ZKSCAN5: variants seen among roughly 807,000 people sequenced by gnomAD.
ZKSCAN5 encodes the protein zinc finger with KRAB and SCAN domains 5.
In ZKSCAN5, 28 loss-of-function variants were observed where a neutral mutation model predicts 60.0. The ratio of observed to expected loss-of-function variants is 0.47; its 90% confidence interval spans 0.35 to 0.64. The LOEUF (loss-of-function observed/expected upper bound fraction) is 0.64, where lower values mean the gene tolerates loss of function less well. Among genes scored for constraint, ZKSCAN5 ranks in the 30% least tolerant of loss-of-function variants. The pLI is 0.01. For missense variants in ZKSCAN5, 881 were observed against 1,034.6 expected (o/e 0.85, Z 2.04); for synonymous variants, 361 against 371.2 (o/e 0.97, Z 0.31).
intron 5 of ZKSCAN5, among the ~76,000 whole-genome samples, chr7:99,522,647 C>G (rs1224043335): frequency 2.0e-5 from 3 of 151,508 alleles, no homozygotes; most frequent in Non-Finnish European, 4.4e-5. Flanking sequence ...CCACCACAGC[C>G]GCCTAATTTT....
rs1457505300 is a variant in ZKSCAN5 at position 99,505,998 on chromosome 7, GTT to G, written c.-40-5_-40-4del. On this transcript the variant is annotated splice_region_variant and splice_polypyrimidine_tract_variant and intron_variant, in intron 1 of 6. Transcript: ENST00000326775. ...GATATTAAAGAGCAGAAAAACAATT[GTT>G]TCAGTGTAACACAGCCAGCCTCGAA... is the stretch of plus-strand genomic sequence containing the variant. The G allele has an allele frequency of 6.3e-7, 1 of 1,582,842 alleles. No individual in the cohort carries two copies.
chr7:99,529,891 A>G (rs1801964624), intron 6 of ZKSCAN5, among the ~76,000 whole-genome samples: 1 of 151,662 alleles, frequency 6.6e-6, no homozygotes, highest in African/African-American at 2.4e-5. Flanking sequence ...ACCCACCACC[A>G]TGCCCAGCTA....
chr7:99,515,158 A>G (rs185733635), intron 3 of ZKSCAN5, among the ~76,000 whole-genome samples: 1 of 152,124 alleles, frequency 6.6e-6, no homozygotes, highest in East Asian at 1.9e-4. Context: ...TAATCCCAGC[A>G]CTTTGGGAGG....
chr7:99,534,422 A>C lies in ZKSCAN5; in HGVS notation c.*2173A>C, dbSNP rs1802168957. The C allele has an allele frequency of 6.6e-6, 1 of 152,064 alleles. No individual in the cohort carries two copies. Among genetic ancestry groups the C allele is most frequent in the African/African-American group, 2.4e-5 (1 of 41,388 alleles). 9.4% of individuals were successfully genotyped at this position (152,064 alleles called of 1,614,324 possible). On this transcript the variant is annotated 3_prime_UTR_variant, in exon 7 of 7. Transcript: ENST00000326775. ...TGGGCGCGGTGGCTCATGCCTATAA[A>C]CCCAGCACTTTGGGAGGCTGAGGCG...
chr7:99,518,901 C>G (rs1157747812), intron 3 of ZKSCAN5, among the ~76,000 whole-genome samples: 4 of 150,616 alleles, frequency 2.7e-5, no homozygotes, highest in Non-Finnish European at 4.4e-5. Flanking sequence ...GTCTCTAACT[C>G]CTGACCTTGT....
intron 3 of ZKSCAN5, 102 bp from the exon 4 acceptor site, chr7:99,519,725 G>A (rs1297107312): frequency 6.9e-5 from 79 of 1,142,260 alleles, no homozygotes; most frequent in Non-Finnish European, 8.7e-5. Flanking sequence ...TGGCCTCGGC[G>A]CAGTAGGGGC....
At chr7:99,513,364 A>G (rs1801126880) in intron 3 of ZKSCAN5, among the ~76,000 whole-genome samples, 1 of 152,162 alleles carries the variant, frequency 6.6e-6, no homozygotes, top group East Asian at 1.9e-4. Context: ...TTACAAAAGT[A>G]TCACAGATTT....
At chr7:99,506,683 A>T (rs1214753725) in intron 2 of ZKSCAN5, among the ~76,000 whole-genome samples, 1 of 152,204 alleles carries the variant, frequency 6.6e-6, no homozygotes, top group Middle Eastern at 3.4e-3. Flanking sequence ...TACTGTATTT[A>T]TTTAATTATT....
In ZKSCAN5 at chr7:99,531,350, A is replaced by G; in HGVS notation, c.1621A>G (p.Lys541Glu). 1 of 1,614,200 alleles carries G rather than the reference A, an allele frequency of 6.2e-7. No homozygotes were observed. The change falls in exon 7 of 7, where the codon AAA (lysine) becomes GAA (glutamate). Residue 541 changes from lysine (K) to glutamate (E), a missense_variant. Coordinates refer to ENST00000326775, the MANE Select transcript of ZKSCAN5 (RefSeq NM_145102.4). ...CAGTGAAGTCCCATATGTCCACAAA[A>G]AATCCTCCACTGGAGAGAGACCACA... The part of the protein sequence containing the change: ...NYSEVPYVHK[K>E]SSTGERPHKC...
At chr7:99,524,648 A>G (rs1353293518) in intron 5 of ZKSCAN5, among the ~76,000 whole-genome samples, 2 of 152,256 alleles carry the variant, frequency 1.3e-5, no homozygotes, top group Non-Finnish European at 2.9e-5. Context: ...CCACGGTTCT[A>G]TCAGTGACTG....
intron 3 of ZKSCAN5, among the ~76,000 whole-genome samples, chr7:99,515,142 C>T (rs1006296361): frequency 6.6e-6 from 1 of 151,426 alleles, no homozygotes; most frequent in South Asian, 2.1e-4. Flanking sequence ...TGGTGGCTCA[C>T]GCTTGTAATC....
Position 99,520,264 on chromosome 7 carries a change from G to T in ZKSCAN5, c.732G>T (p.Arg244Ser), listed in dbSNP as rs1202673898. 3.7e-6 allele frequency: 6 copies of T among 1,613,980 alleles called. No individual in the cohort carries two copies. Among genetic ancestry groups the T allele is most frequent in the Non-Finnish European group, 4.2e-6 (5 of 1,180,020 alleles). Residue 244 changes from arginine (R) to serine (S), a missense_variant, in exon 5 of 7, where the codon AGG becomes AGT. Arg to Ser is a moderately radical substitution (Grantham distance 110). This residue lies in a region of ZKSCAN5 where 490 missense variants were observed against 554.5 expected (regional missense o/e 0.88). Coordinates refer to ENST00000326775, the MANE Select transcript of ZKSCAN5 (RefSeq NM_145102.4). ...HLDQSQKSLY[R>S]DDRKENYGSI... ...ACCAGTCCCAGAAGTCCCTTTATAG[G>T]GATGACAGGAAGGAGAACTATGGGA...
At position 99,532,753 on chromosome 7, in the gene ZKSCAN5, C is replaced by T. The variant is rs1417268154; in HGVS notation, c.*504C>T. On this transcript the variant is annotated 3_prime_UTR_variant, in exon 7 of 7. Transcript: ENST00000326775. Reference sequence around the variant, plus strand: ...ATTCCAACCACTAGAATACCCTAGTCACTATTCCCACTTTGAGCATTAACC... The same window carrying T: ...ATTCCAACCACTAGAATACCCTAGTTACTATTCCCACTTTGAGCATTAACC... 6.4e-6 allele frequency: 1 copy of T among 155,970 alleles called. No homozygotes were observed. The highest frequency in any genetic ancestry group is 1.4e-5 in the Non-Finnish European group (1 of 70,440). The allele number at this position is 155,970 out of a possible 1,614,324, so 9.7% of individuals were successfully genotyped here. A position where few individuals can be genotyped will look rare whatever the true frequency, so the allele number is the denominator to read the frequency against.
At position 99,532,305 on chromosome 7, in the gene ZKSCAN5, A is replaced by T; in HGVS notation, c.*56A>T. 6.8e-7 allele frequency: 1 copy of T among 1,470,474 alleles called. No homozygotes were observed. The highest frequency in any genetic ancestry group is 2.3e-5 in the East Asian group (1 of 43,518). The allele number at this position is 1,470,474 out of a possible 1,614,324, so 91.1% of individuals were successfully genotyped here. A position where few individuals can be genotyped will look rare whatever the true frequency, so the allele number is the denominator to read the frequency against. On this transcript the variant is annotated 3_prime_UTR_variant, in exon 7 of 7. Coordinates refer to ENST00000326775, the MANE Select transcript of ZKSCAN5 (RefSeq NM_145102.4). ...GGAGGGAAACCATACTCCTATAATG[A>T]GCAAAGTAACAACTTCAAGCATTTT...
intron 5 of ZKSCAN5, among the ~76,000 whole-genome samples, chr7:99,525,110 C>T (rs1009202882): frequency 2.0e-5 from 3 of 150,900 alleles, no homozygotes; most frequent in African/African-American, 7.3e-5. Flanking sequence ...AGGTTGCAGT[C>T]AGCCGAGATC....
chr7:99,526,106 C>T lies in ZKSCAN5; in HGVS notation c.1066C>T (p.Leu356Phe), dbSNP rs1019590481. ...HRCSDCGKFF[L>F]QASNFIQHRR... is the part of the protein sequence containing the mutation. ...ATGCAGCGATTGTGGCAAATTCTTC[C>T]TCCAAGCCTCAAACTTTATTCAGCA... The change falls in exon 6 of 7, where the codon CTC becomes TTC. Residue 356 changes from leucine to phenylalanine, a missense_variant. Physicochemically the swap from Leu to Phe is conservative, Grantham distance 22. Transcript: ENST00000326775. 2 of 1,614,188 alleles carry T rather than the reference C, an allele frequency of 1.2e-6. No individual in the cohort carries two copies. Among genetic ancestry groups the T allele is most frequent in the Non-Finnish European group, 1.7e-6 (2 of 1,180,052 alleles).
intron 6 of ZKSCAN5, among the ~76,000 whole-genome samples, chr7:99,528,361 C>A (rs1490226133): frequency 6.6e-6 from 1 of 152,152 alleles, no homozygotes; most frequent in Admixed American, 6.6e-5. Flanking sequence ...ACCTTCCCTG[C>A]AATTGTTTCT....
At chr7:99,512,982 C>G (rs971612693) in intron 3 of ZKSCAN5, among the ~76,000 whole-genome samples, 1 of 111,180 alleles carries the variant, frequency 9.0e-6, no homozygotes, top group Non-Finnish European at 1.8e-5. Flanking sequence ...CCCCCCTCCC[C>G]CCACCCCACA....
intron 4 of ZKSCAN5, 61 bp downstream of exon 4, chr7:99,519,970 G>C: frequency 6.3e-7 from 1 of 1,592,254 alleles, no homozygotes; most frequent in Non-Finnish European, 8.6e-7. Context: ...CAAGAGTTCT[G>C]TTTCTTTAGC....
Sources: allele counts gnomAD v4.1 joint callset (sites outside exome capture counted in the v4.1 genomes callset), GRCh38; gene constraint gnomAD v4.1.1; regional missense constraint gnomAD v4.1.1; transcripts MANE v1.5; gene names NCBI Gene and HGNC (gene_info 2026-07-23, HGNC 2026-07-21).